APBA1: variants seen among roughly 807,000 people sequenced by gnomAD.
APBA1 encodes the protein amyloid beta precursor protein binding family A member 1, also known as amyloid-beta A4 precursor protein-binding family A member 1.
In APBA1, 55 loss-of-function variants were observed where a neutral mutation model predicts 86.6. The observed-to-expected ratio is 0.64, with a 90% CI of 0.51 to 0.80. APBA1 has a LOEUF of 0.80. Ranked by LOEUF, APBA1 falls within the 30% of genes least tolerant of loss-of-function variation. APBA1 has a pLI of 0.00. For synonymous variants in APBA1, 511 were observed against 493.9 expected (o/e 1.03, Z -0.46); for missense variants, 1,090 against 1,183.0 (o/e 0.92, Z 1.15).
chr9:69,575,462 C>A (rs1821775215), intron 1 of APBA1, among the ~76,000 whole-genome samples: 1 of 152,156 alleles, frequency 6.6e-6, no homozygotes, highest in East Asian at 1.9e-4. Flanking sequence ...AACTATACTA[C>A]AAGGCTACAG....
intron 1 of APBA1, among the ~76,000 whole-genome samples, chr9:69,558,930 T>A (rs139902596): frequency 1.3e-5 from 2 of 152,310 alleles, no homozygotes; most frequent in African/African-American, 4.8e-5. Context: ...AAAAAAAGGA[T>A]CTTAGAAGGC....
intron 1 of APBA1, among the ~76,000 whole-genome samples, chr9:69,595,241 A>G (rs891582713): frequency 1.3e-5 from 2 of 152,188 alleles, no homozygotes; most frequent in African/African-American, 4.8e-5. Flanking sequence ...AGCAGTCAAT[A>G]AGTCAAAGAA....
chr9:69,547,280 C>G (rs1475071553), intron 1 of APBA1, among the ~76,000 whole-genome samples: 1 of 152,190 alleles, frequency 6.6e-6, no homozygotes, highest in African/African-American at 2.4e-5. Flanking sequence ...CTCCAGTCAG[C>G]CATCCTTAGA....
intron 5 of APBA1, chr9:69,462,647 GA>G (rs1835209285): frequency 6.6e-6 from 1 of 152,166 alleles, no homozygotes; most frequent in Non-Finnish European, 1.5e-5. Flanking sequence ...GCAAATGTCC[GA>G]AAAGGAGGTC....
At chr9:69,486,985 T>G (rs1294997415) in intron 2 of APBA1, among the ~76,000 whole-genome samples, 1 of 152,014 alleles carries the variant, frequency 6.6e-6, no homozygotes, top group Non-Finnish European at 1.5e-5. Flanking sequence ...AGTGAGAGAT[T>G]GAGTTACCAC....
intron 1 of APBA1, among the ~76,000 whole-genome samples, chr9:69,519,582 G>C (rs540151091): frequency 6.6e-6 from 1 of 152,340 alleles, no homozygotes; most frequent in Admixed American, 6.5e-5. Flanking sequence ...AGCATTCACA[G>C]AAAGGGATAG....
rs572429736 is a variant in APBA1, at chr9:69,454,895, C to A, written c.1788+1352G>T. 3.9e-5 allele frequency among the ~76,000 whole-genome samples: 6 copies of A among 152,278 alleles called. No homozygotes were observed. The East Asian group carries it at 9.7e-4, about 25-fold the overall frequency. On this transcript the variant is annotated intron_variant, in intron 8 of 12. Transcript: ENST00000265381. Reference sequence around the variant, plus strand: ...TCATTTTCCCCGTTTGCATGTTGGCCTCAGCTTTACAGGAACAGTAGGGAG... The same window carrying A: ...TCATTTTCCCCGTTTGCATGTTGGCATCAGCTTTACAGGAACAGTAGGGAG...
intron 1 of APBA1, among the ~76,000 whole-genome samples, chr9:69,597,801 T>C (rs1822261151): frequency 6.6e-6 from 1 of 152,232 alleles, no homozygotes; most frequent in South Asian, 2.1e-4. Flanking sequence ...TTTCTCAGGT[T>C]TGTCGAAGAT....
At chr9:69,503,252 A>G (rs1350080380) in intron 2 of APBA1, among the ~76,000 whole-genome samples, 1 of 152,130 alleles carries the variant, frequency 6.6e-6, no homozygotes, top group Non-Finnish European at 1.5e-5. Flanking sequence ...AATTAAAGCA[A>G]AGAAATACAT....
At chr9:69,564,174 C>T (rs1325957170) in intron 1 of APBA1, among the ~76,000 whole-genome samples, 1 of 152,136 alleles carries the variant, frequency 6.6e-6, no homozygotes, top group Non-Finnish European at 1.5e-5. Context: ...GGAACTCATA[C>T]CCAAATGCAG....
At chr9:69,502,537 C>G (rs1344895963) in intron 2 of APBA1, among the ~76,000 whole-genome samples, 2 of 151,906 alleles carry the variant, frequency 1.3e-5, no homozygotes, top group Non-Finnish European at 2.9e-5. Flanking sequence ...ACTCCGGTTG[C>G]ATTAGGTTCT....
At chr9:69,570,022 A>T (rs1967880) in intron 1 of APBA1, among the ~76,000 whole-genome samples, 3 of 152,132 alleles carry the variant, frequency 2.0e-5, no homozygotes, top group East Asian at 3.9e-4. Flanking sequence ...AATATTAATC[A>T]GGGATCTAAG....
At chr9:69,544,354 G>GA (rs779837311) in intron 1 of APBA1, among the ~76,000 whole-genome samples, 1 of 152,178 alleles carries the variant, frequency 6.6e-6, no homozygotes. Flanking sequence ...GAATATAGCT[G>GA]AAAGTAATAC....
chr9:69,630,828 T>C (rs1330984566), intron 1 of APBA1, among the ~76,000 whole-genome samples: 1 of 152,224 alleles, frequency 6.6e-6, no homozygotes, highest in African/African-American at 2.4e-5. Context: ...GTGAAGGCTT[T>C]GGTTAACTGA....
intron 1 of APBA1, among the ~76,000 whole-genome samples, chr9:69,665,846 C>G (rs145726621): frequency 3.1e-4 from 47 of 152,290 alleles, no homozygotes; most frequent in African/African-American, 1.1e-3. Context: ...AGCAATTCTC[C>G]TGCCTCAGCC....
At chr9:69,549,640 G>A (rs1836753747) in intron 1 of APBA1, among the ~76,000 whole-genome samples, 1 of 152,186 alleles carries the variant, frequency 6.6e-6, no homozygotes, top group Non-Finnish European at 1.5e-5. Flanking sequence ...TAACTGCACA[G>A]TGAAGAACCT....
chr9:69,534,752 G>A (rs1054821330), intron 1 of APBA1, among the ~76,000 whole-genome samples: 2 of 152,012 alleles, frequency 1.3e-5, no homozygotes, highest in Admixed American at 6.6e-5. Flanking sequence ...TTCTCTTCTA[G>A]GGGCTCTTCT....
chr9:69,440,270 T>G (rs1834792306), intron 11 of APBA1, among the ~76,000 whole-genome samples: 1 of 152,222 alleles, frequency 6.6e-6, no homozygotes, highest in Non-Finnish European at 1.5e-5. Context: ...TTCTCAGATC[T>G]CAAGCTGTGT....
At chr9:69,564,110 T>C (rs560087783) in intron 1 of APBA1, among the ~76,000 whole-genome samples, 1 of 152,280 alleles carries the variant, frequency 6.6e-6, no homozygotes, top group Admixed American at 6.5e-5. Context: ...CTGACTTCTG[T>C]ATTTCTAATA....
Sources: allele counts gnomAD v4.1 joint callset (sites outside exome capture counted in the v4.1 genomes callset), GRCh38; gene constraint gnomAD v4.1.1; transcripts MANE v1.5; gene names NCBI Gene and HGNC (gene_info 2026-07-23, HGNC 2026-07-21).